The following PRKAA2 variants were observed in gnomAD, a reference collection of about 807,000 sequenced individuals.
PRKAA2 encodes protein kinase AMP-activated catalytic subunit alpha 2, also known as 5'-AMP-activated protein kinase catalytic subunit alpha-2.
In PRKAA2, 40 loss-of-function variants were observed where a neutral mutation model predicts 56.3. The ratio of observed to expected loss-of-function variants is 0.71; its 90% CI spans 0.55 to 0.92. PRKAA2 has a LOEUF of 0.92. Among genes scored for constraint, PRKAA2 ranks in the 40% least tolerant of loss-of-function variants. The pLI is 0.00. For synonymous variants in PRKAA2, 214 were observed against 234.2 expected (o/e 0.91, Z 0.79); for missense variants, 542 against 686.9 (o/e 0.79, Z 2.36).
At chr1:56,672,178 C>T (rs1196430689) in intron 1 of PRKAA2, among the ~76,000 whole-genome samples, 1 of 152,080 alleles carries the variant, frequency 6.6e-6, no homozygotes, top group African/African-American at 2.4e-5. Flanking sequence ...ATTGCAGTGG[C>T]ACCATCTTGG....
chr1:56,655,604 A>G (rs544952748), intron 1 of PRKAA2, among the ~76,000 whole-genome samples: 3 of 152,184 alleles, frequency 2.0e-5, no homozygotes, highest in East Asian at 3.9e-4. Context: ...ATCTTCTCCT[A>G]TGACCCAAAC....
intron 6 of PRKAA2, among the ~76,000 whole-genome samples, chr1:56,700,702 A>G (rs1362716110): frequency 6.6e-6 from 1 of 152,182 alleles, no homozygotes; most frequent in Non-Finnish European, 1.5e-5. Flanking sequence ...GAGTCAGGTC[A>G]CATAAAAACC....
In PRKAA2 at chr1:56,707,581, C is replaced by A. The variant is rs762118531; in HGVS notation, c.1527C>A (p.Ser509Arg). ...RSSFDSTTAE[S>R]HSLSGSLTGS... ...GTTTTGATTCCACAACTGCAGAGAG[C>A]CATTCACTTTCTGGCTCTCTCACTG... Residue 509 changes from serine (S) to arginine (R), a missense_variant, in exon 9 of 9, where the codon AGC becomes AGA. This residue lies in a region of PRKAA2 where 158 missense variants were observed against 166.1 expected (regional missense o/e 0.95). Coordinates refer to ENST00000371244, the MANE Select transcript of PRKAA2 (RefSeq NM_006252.4). The A allele has an allele frequency of 1.3e-5, 21 of 1,614,018 alleles. No individual in the cohort carries two copies. The South Asian group carries it at 2.3e-4, about 18-fold the overall frequency.
At chr1:56,686,541 T>C (rs1425877167) in intron 2 of PRKAA2, among the ~76,000 whole-genome samples, 3 of 152,180 alleles carry the variant, frequency 2.0e-5, no homozygotes, top group Non-Finnish European at 4.4e-5. Context: ...CTTTTACTTC[T>C]AGTAAGGGTC....
intron 1 of PRKAA2, among the ~76,000 whole-genome samples, chr1:56,671,184 T>C (rs1395405396): frequency 6.6e-6 from 1 of 152,250 alleles, no homozygotes; most frequent in Admixed American, 6.5e-5. Context: ...TCAGGAACAT[T>C]CATTCAGCTT....
chr1:56,663,046 A>G (rs968923401), intron 1 of PRKAA2, among the ~76,000 whole-genome samples: 1 of 151,956 alleles, frequency 6.6e-6, no homozygotes, highest in Admixed American at 6.6e-5. Context: ...ATCCCAAAAA[A>G]CTGTTGCCAT....
At chr1:56,702,802 T>A (rs1379921471) in intron 6 of PRKAA2, among the ~76,000 whole-genome samples, 1 of 152,234 alleles carries the variant, frequency 6.6e-6, no homozygotes, top group African/African-American at 2.4e-5. Context: ...ACTCTCATTT[T>A]ACTCTATGCA....
intron 1 of PRKAA2, among the ~76,000 whole-genome samples, chr1:56,649,824 G>T (rs1020858130): frequency 6.6e-6 from 1 of 152,168 alleles, no homozygotes; most frequent in African/African-American, 2.4e-5. Context: ...GCCAGGCACG[G>T]CGGCTCACGC....
intron 1 of PRKAA2, among the ~76,000 whole-genome samples, chr1:56,652,772 A>T (rs1033960865): frequency 2.0e-5 from 3 of 152,200 alleles, no homozygotes; most frequent in Non-Finnish European, 4.4e-5. Context: ...GGTGAGATGC[A>T]TGGCAATTGT....
chr1:56,697,281 C>A (rs1644265111), intron 6 of PRKAA2, among the ~76,000 whole-genome samples: 1 of 151,988 alleles, frequency 6.6e-6, no homozygotes, highest in South Asian at 2.1e-4. Context: ...ACCTTGCCCT[C>A]CCAAAGTGCT....
chr1:56,657,505 A>G (rs2404995), intron 1 of PRKAA2, among the ~76,000 whole-genome samples: 150,036 of 152,228 alleles, frequency 0.99, 73,939 homozygotes, highest in East Asian at 1. Flanking sequence ...GTGAAACCCC[A>G]TCTTTACTGA....
At chr1:56,680,780 A>C (rs1211660937) in intron 2 of PRKAA2, among the ~76,000 whole-genome samples, 3 of 152,146 alleles carry the variant, frequency 2.0e-5, no homozygotes, top group South Asian at 2.1e-4. Flanking sequence ...TGGGTTGGTT[A>C]CAAGTCTTTG....
At chr1:56,688,366 C>T (rs1379655328) in intron 2 of PRKAA2, among the ~76,000 whole-genome samples, 2 of 152,214 alleles carry the variant, frequency 1.3e-5, no homozygotes, top group Admixed American at 6.5e-5. Flanking sequence ...ACTTAAATAC[C>T]TACTTTGTTA....
rs778254708 is a variant in PRKAA2 at position 56,696,137 on chromosome 1, C to T, written c.766C>T (p.Arg256Ter). 15 of 1,612,500 alleles carry T rather than the reference C, an allele frequency of 9.3e-6. No homozygotes were observed. Among genetic ancestry groups the T allele is most frequent in the East Asian group, 4.5e-5 (2 of 44,862 alleles). Residue 256 changes from arginine (R) to a stop codon, truncating the protein, a stop_gained, in exon 6 of 9, where the codon CGA (arginine) becomes TGA (stop). Transcript: ENST00000371244. LOFTEE classifies it high-confidence loss of function. ...MHMLQVDPLK[R>*]ATIKDIREHE... ...TATGCTGCAGGTTGACCCACTGAAACGAGCAACTATCAAAGACATAAGGTG... is the reference window on the plus strand; with the variant it reads ...TATGCTGCAGGTTGACCCACTGAAATGAGCAACTATCAAAGACATAAGGTG...
intron 1 of PRKAA2, among the ~76,000 whole-genome samples, chr1:56,653,592 T>C (rs1162525577): frequency 6.6e-6 from 1 of 152,084 alleles, no homozygotes; most frequent in Non-Finnish European, 1.5e-5. Context: ...CATGAGAAAA[T>C]GTACATAGAT....
chr1:56,651,670 G>A (rs1306405851), intron 1 of PRKAA2, among the ~76,000 whole-genome samples: 2 of 151,878 alleles, frequency 1.3e-5, no homozygotes, highest in Admixed American at 6.6e-5. Context: ...GATAAATAAC[G>A]TTTTTTGAAA....
intron 1 of PRKAA2, among the ~76,000 whole-genome samples, chr1:56,664,148 T>C (rs914653308): frequency 6.6e-6 from 1 of 152,170 alleles, no homozygotes; most frequent in Non-Finnish European, 1.5e-5. Context: ...AATTACCTAT[T>C]TGTAAACTGC....
intron 2 of PRKAA2, among the ~76,000 whole-genome samples, chr1:56,680,602 T>C (rs935790442): frequency 6.6e-6 from 1 of 152,130 alleles, no homozygotes; most frequent in Non-Finnish European, 1.5e-5. Flanking sequence ...AGTGAGAACA[T>C]GCGGTGTTTG....
intron 6 of PRKAA2, among the ~76,000 whole-genome samples, chr1:56,699,147 CAACTT>C (rs886741125): frequency 9.9e-5 from 15 of 152,240 alleles, no homozygotes; most frequent in African/African-American, 3.6e-4. Flanking sequence ...TGCAAATACT[CAACTT>C]AATATAATTA....
Sources: allele counts gnomAD v4.1 joint callset (sites outside exome capture counted in the v4.1 genomes callset), GRCh38; gene constraint gnomAD v4.1.1; regional missense constraint gnomAD v4.1.1; transcripts MANE v1.5; gene names NCBI Gene and HGNC (gene_info 2026-07-23, HGNC 2026-07-21).